The following RAB27B variants were observed in gnomAD, a reference collection of about 807,000 sequenced individuals.
The protein encoded by RAB27B is ras-related protein Rab-27B.
A neutral mutation model predicts 24.6 loss-of-function variants in RAB27B; 15 were observed. The observed-to-expected ratio is 0.61, with a 90% CI of 0.41 to 0.94. The LOEUF is 0.94. Ranked by LOEUF, RAB27B falls within the 40% of genes least tolerant of loss-of-function variation. RAB27B has a pLI of 0.00. For missense variants in RAB27B, 261 were observed against 266.8 expected, an observed-to-expected ratio of 0.98 and a Z score of 0.15; for synonymous variants, 105 against 92.5, an observed-to-expected ratio of 1.14 and a Z score of -0.78.
rs1568076419 is a variant in RAB27B, at chr18:54,812,785, G to A, written c.-19-64782G>A. Among the ~76,000 whole-genome samples the A allele has an allele frequency of 4.6e-5, 7 of 152,270 alleles. No individual in the cohort carries two copies. In the South Asian group the frequency reaches 1.2e-3, roughly 27 times the overall value. On this transcript the variant is annotated intron_variant, in intron 2 of 4. Coordinates refer to the RAB27B transcript ENST00000586570. ...ATACTAGAATAATTTAAATCGTAGT[G>A]TGAGGAAAACAAAATATATACAAGC... is the stretch of plus-strand genomic sequence containing the variant.
chr18:54,767,793 G>A (rs1274542266), intron 2 of RAB27B, among the ~76,000 whole-genome samples: 2 of 152,180 alleles, frequency 1.3e-5, no homozygotes, highest in Non-Finnish European at 2.9e-5. Context: ...TGCAATAATT[G>A]TATGACTGAG....
At chr18:54,836,788 C>T (rs569915437) in intron 1 of RAB27B, among the ~76,000 whole-genome samples, 41 of 151,942 alleles carry the variant, frequency 2.7e-4, no homozygotes, top group Non-Finnish European at 1.3e-4. Context: ...TGCATAGTCA[C>T]TTGATCCAAA....
chr18:54,781,319 AG>A (rs756536221), intron 2 of RAB27B, among the ~76,000 whole-genome samples: 4 of 151,954 alleles, frequency 2.6e-5, no homozygotes, highest in Non-Finnish European at 5.9e-5. Flanking sequence ...AAGAGAATAG[AG>A]GGCAGTGGGT....
chr18:54,732,765 A>G (rs1159362911), intron 2 of RAB27B, among the ~76,000 whole-genome samples: 2 of 152,222 alleles, frequency 1.3e-5, no homozygotes, highest in Admixed American at 1.3e-4. Flanking sequence ...AAAGGTATTG[A>G]GGTTTTCTGT....
At chr18:54,770,433 C>T (rs1389353624) in intron 2 of RAB27B, among the ~76,000 whole-genome samples, 1 of 151,358 alleles carries the variant, frequency 6.6e-6, no homozygotes, top group Non-Finnish European at 1.5e-5. Flanking sequence ...TAATCTAATG[C>T]CTGATGATCT....
In RAB27B at chr18:54,725,894, A is replaced by T. The variant is rs79143072; in HGVS notation, c.-20+7753A>T. Among the ~76,000 whole-genome samples the T allele has an allele frequency of 2.2e-3, 338 of 151,774 alleles. 10 individuals are homozygous for T. The East Asian group carries it at 0.063, about 28-fold the overall frequency. On this transcript the variant is annotated intron_variant, in intron 2 of 4. Transcript: ENST00000586570. ...AATGTGTTCATAAACACTAGCTTAT[A>T]GAAAATGTAAAGAACTCTTTGGAAT...
In RAB27B at chr18:54,888,127, G is replaced by T. The variant is rs1216678976; in HGVS notation, c.467+9G>T. The T allele has an allele frequency of 3.1e-6, 5 of 1,611,774 alleles. No homozygotes were observed. The African/African-American group carries it at 6.7e-5, about 22-fold the overall frequency. ...CTGGCTGACAAATATGGGTAAGTCA[G>T]TTACACTGAGATGGCATGTGACTTG... On this transcript the variant is annotated intron_variant, in intron 5 of 5. Transcript: ENST00000262094.
intron 2 of RAB27B, among the ~76,000 whole-genome samples, chr18:54,804,542 G>C (rs916115295): frequency 6.6e-6 from 1 of 152,184 alleles, no homozygotes; most frequent in Non-Finnish European, 1.5e-5. Context: ...CCATGCTCGG[G>C]TGTATCTTTA....
intron 2 of RAB27B, among the ~76,000 whole-genome samples, chr18:54,794,056 C>A (rs964394478): frequency 6.6e-6 from 1 of 152,168 alleles, no homozygotes; most frequent in African/African-American, 2.4e-5. Flanking sequence ...TGGAACCAAC[C>A]TGATTGGCTT....
At chr18:54,858,802 A>G (rs984237148) in intron 1 of RAB27B, among the ~76,000 whole-genome samples, 11 of 152,222 alleles carry the variant, frequency 7.2e-5, no homozygotes, top group Non-Finnish European at 1.5e-4. Context: ...AAAAATTAGC[A>G]GAAACGAGTT....
intron 1 of RAB27B, among the ~76,000 whole-genome samples, chr18:54,873,353 T>C (rs1912553475): frequency 6.6e-6 from 1 of 152,226 alleles, no homozygotes; most frequent in African/African-American, 2.4e-5. Flanking sequence ...GTTCTTGTGG[T>C]ACAGCTTGTG....
chr18:54,872,179 C>T lies in RAB27B; in HGVS notation c.-19-5388C>T, dbSNP rs534371715. Among the ~76,000 whole-genome samples the T allele has an allele frequency of 7.9e-5, 12 of 152,268 alleles. No homozygotes were observed. The East Asian group carries it at 1.9e-3, about 24-fold the overall frequency. On this transcript the variant is annotated intron_variant, in intron 1 of 5. Transcript: ENST00000262094. ...TTCTCTGAGCCCTGACCTATTCAAC[C>T]GACAGCTTTATGTGTTCTCTGCTAG...
At chr18:54,725,543 C>A (rs1909506671) in intron 2 of RAB27B, among the ~76,000 whole-genome samples, 1 of 151,572 alleles carries the variant, frequency 6.6e-6, no homozygotes, top group Non-Finnish European at 1.5e-5. Context: ...CCGCCCAAGA[C>A]TGGGTAATTT....
chr18:54,774,973 G>T (rs918125881), intron 2 of RAB27B, among the ~76,000 whole-genome samples: 1 of 152,148 alleles, frequency 6.6e-6, no homozygotes, highest in Non-Finnish European at 1.5e-5. Flanking sequence ...ATTAATATCT[G>T]CTCAGTGGAT....
chr18:54,770,019 C>T (rs1908492539), intron 2 of RAB27B, among the ~76,000 whole-genome samples: 1 of 152,252 alleles, frequency 6.6e-6, no homozygotes, highest in Non-Finnish European at 1.5e-5. Context: ...ACGTGTGCAC[C>T]ACTATGCCTG....
At chr18:54,744,527 C>G (rs1351856013) in intron 2 of RAB27B, among the ~76,000 whole-genome samples, 2 of 152,150 alleles carry the variant, frequency 1.3e-5, no homozygotes, top group African/African-American at 4.8e-5. Context: ...ATCACATACA[C>G]ACAAATGACA....
intron 2 of RAB27B, among the ~76,000 whole-genome samples, chr18:54,777,252 A>G (rs1908745992): frequency 6.6e-6 from 1 of 152,228 alleles, no homozygotes; most frequent in Non-Finnish European, 1.5e-5. Flanking sequence ...GAAGGGCATC[A>G]AGAATGGTAA....
At position 54,850,359 on chromosome 18, in the gene RAB27B, T is replaced by TATATATATATATACAC. The variant is rs1491518141; in HGVS notation, c.-20+21660_-20+21661insTATATATATATACACA. ...ATATATATATATATATATATATATATACATACATACATATGTTTAGTTTTT... is the reference window on the plus strand; with the variant it reads ...ATATATATATATATATATATATATATATATATATATATACACACATACATACATATGTTTAGTTTTT... On this transcript the variant is annotated intron_variant, in intron 1 of 5. Transcript: ENST00000262094. Among the ~76,000 whole-genome samples the TATATATATATATACAC allele has an allele frequency of 2.0e-3, 251 of 126,836 alleles. 11 individuals are homozygous for TATATATATATATACAC. The highest frequency in any genetic ancestry group is 7.8e-3 in the African/African-American group (248 of 31,968). The allele number at this position is 126,836 out of a possible 152,430, so 83.2% of individuals were successfully genotyped here. A position where few individuals can be genotyped will look rare whatever the true frequency, so the allele number is the denominator to read the frequency against.
At chr18:54,859,712 G>A (rs1441478046) in intron 1 of RAB27B, among the ~76,000 whole-genome samples, 3 of 152,184 alleles carry the variant, frequency 2.0e-5, no homozygotes, top group African/African-American at 7.2e-5. Flanking sequence ...CAGCTGGGGA[G>A]TGAAACTCGA....
Sources: gnomAD v4.1 joint callset for allele counts (sites outside exome capture counted in the v4.1 genomes callset) on GRCh38, gnomAD v4.1.1 for gene constraint, MANE v1.5 for transcripts, NCBI Gene and HGNC (gene_info 2026-07-23, HGNC 2026-07-21) for gene names.